C11orf65: variants seen among roughly 807,000 people sequenced by gnomAD.
C11orf65 encodes the protein protein MFI.
C11orf65 carries 38 observed loss-of-function variants against 35.3 expected under a neutral mutation model. That is an observed-to-expected ratio of 1.08 (90% CI 0.83 to 1.41). The LOEUF (loss-of-function observed/expected upper bound fraction) is 1.41, where lower values mean the gene tolerates loss of function less well. Among genes scored for constraint, C11orf65 ranks in the 40% most tolerant of loss-of-function variants. The pLI, the probability that C11orf65 is intolerant of heterozygous loss-of-function variation, is 0.00. For synonymous variants in C11orf65, 105 were observed against 114.4 expected, an observed-to-expected ratio of 0.92 and a Z score of 0.53; for missense variants, 370 against 367.1, an observed-to-expected ratio of 1.01 and a Z score of -0.06.
intron 1 of C11orf65, among the ~76,000 whole-genome samples, chr11:108,466,044 T>C (rs1007731286): frequency 2.7e-5 from 4 of 150,654 alleles, no homozygotes; most frequent in East Asian, 1.9e-4. Flanking sequence ...TGTTAAAATG[T>C]ACCATCCAGT....
intron 2 of C11orf65, among the ~76,000 whole-genome samples, chr11:108,448,734 T>A (rs2093303939): frequency 1.3e-5 from 2 of 152,192 alleles, no homozygotes; most frequent in African/African-American, 4.8e-5. Flanking sequence ...CAAGACAGGA[T>A]GCCCTCTCTC....
At position 108,405,424 on chromosome 11, in the gene C11orf65, C is replaced by A; in HGVS notation, c.560+5G>T. On this transcript the variant is annotated splice_donor_5th_base_variant and intron_variant, in intron 6 of 8. Coordinates refer to ENST00000393084, the MANE Select transcript of C11orf65 (RefSeq NM_152587.5). The stretch of plus-strand genomic sequence containing the variant: ...ATTTCCTTAGTAAGTGTTTCATCAA[C>A]TTACATTTGCCTCATCCACTCTATT... The A allele has an allele frequency of 1.2e-6, 2 of 1,608,154 alleles. No individual in the cohort carries two copies. Among genetic ancestry groups the A allele is most frequent in the Non-Finnish European group, 1.7e-6 (2 of 1,178,874 alleles).
At chr11:108,385,770 T>C (rs563388101) in intron 8 of C11orf65, 150 bp downstream of exon 8, 2 of 644,664 alleles carry the variant, frequency 3.1e-6, no homozygotes, top group African/African-American at 1.8e-5. Context: ...AATAACAATC[T>C]TACATACAAA....
upstream of C11orf65, among the ~76,000 whole-genome samples, chr11:108,468,040 C>G (rs1382569392): frequency 6.6e-6 from 1 of 152,050 alleles, no homozygotes; most frequent in African/African-American, 2.4e-5. Flanking sequence ...CCATGTTGTC[C>G]AGGCTGGTCT....
intron 2 of C11orf65, among the ~76,000 whole-genome samples, chr11:108,343,659 C>T (rs2087893647): frequency 6.6e-6 from 1 of 152,088 alleles, no homozygotes. Context: ...AAACAAAACA[C>T]TAAAATGCCA....
chr11:108,443,898 C>T (rs968388516), intron 2 of C11orf65, among the ~76,000 whole-genome samples: 1 of 151,986 alleles, frequency 6.6e-6, no homozygotes, highest in East Asian at 1.9e-4. Flanking sequence ...CCTAACATCA[C>T]AATTAAAAGA....
chr11:108,419,040 A>G (rs1000008047), intron 3 of C11orf65, among the ~76,000 whole-genome samples: 1 of 152,210 alleles, frequency 6.6e-6, no homozygotes, highest in African/African-American at 2.4e-5. Flanking sequence ...TCATTAGTAA[A>G]TCCTTACAAA....
intron 3 of C11orf65, among the ~76,000 whole-genome samples, chr11:108,430,479 T>C (rs866218781): frequency 3.3e-5 from 5 of 151,848 alleles, no homozygotes; most frequent in Non-Finnish European, 7.4e-5. Context: ...GTAAATTTTA[T>C]ATTATGCGTA....
chr11:108,338,104 T>A (rs1400986320), intron 2 of C11orf65, among the ~76,000 whole-genome samples: 1 of 152,258 alleles, frequency 6.6e-6, no homozygotes, highest in Non-Finnish European at 1.5e-5. Flanking sequence ...ATCCCAGTAC[T>A]TCAGGAGGCC....
chr11:108,332,067 G>A (rs763674160), intron 3 of C11orf65: 100 of 1,610,136 alleles, frequency 6.2e-5, no homozygotes, highest in Non-Finnish European at 8.4e-5. Context: ...GTACCTTTTA[G>A]AAGTGTGATA....
downstream of C11orf65, among the ~76,000 whole-genome samples, chr11:108,378,827 AG>A (rs1359797216): frequency 4.0e-5 from 6 of 149,118 alleles, no homozygotes; most frequent in African/African-American, 1.5e-4. Flanking sequence ...GGACATGAAC[AG>A]ACACTTCTCA....
chr11:108,410,696 A>G (rs1468636938), intron 3 of C11orf65, among the ~76,000 whole-genome samples: 2 of 133,630 alleles, frequency 1.5e-5, no homozygotes, highest in African/African-American at 5.7e-5. Context: ...TATCTTCACT[A>G]TTTCCTTCCT....
At chr11:108,385,565 C>T (rs1342513375) in intron 8 of C11orf65, among the ~76,000 whole-genome samples, 1 of 151,940 alleles carries the variant, frequency 6.6e-6, no homozygotes, top group Non-Finnish European at 1.5e-5. Flanking sequence ...GCCTGTAGTT[C>T]CAGCTACTTG....
intron 2 of C11orf65, among the ~76,000 whole-genome samples, chr11:108,361,602 A>C (rs1163673290): frequency 6.6e-6 from 1 of 151,888 alleles, no homozygotes; most frequent in African/African-American, 2.4e-5. Flanking sequence ...AAACAGAGAT[A>C]TAGATCAATG....
rs187302539 is a variant in C11orf65 at position 108,342,432 on chromosome 11, A to C, written c.227-7140T>G. On this transcript the variant is annotated intron_variant, in intron 2 of 3. Transcript: ENST00000524755. Reference sequence around the variant, plus strand: ...TACAGAAATATACATATAGTATCCTAATTTTTTTACTTAATACTTACAACT... The same window carrying C: ...TACAGAAATATACATATAGTATCCTCATTTTTTTACTTAATACTTACAACT... 9.8e-5 allele frequency among the ~76,000 whole-genome samples: 15 copies of C among 152,342 alleles called. No individual in the cohort carries two copies. The East Asian group carries it at 2.9e-3, about 29-fold the overall frequency.
chr11:108,447,189 C>T (rs1180240934), intron 2 of C11orf65, among the ~76,000 whole-genome samples: 3 of 152,086 alleles, frequency 2.0e-5, no homozygotes, highest in African/African-American at 4.8e-5. Flanking sequence ...TAATGGGAGA[C>T]TTTAACACCC....
chr11:108,464,625 G>A (rs940551846), intron 1 of C11orf65, among the ~76,000 whole-genome samples: 5 of 152,112 alleles, frequency 3.3e-5, no homozygotes, highest in Non-Finnish European at 5.9e-5. Flanking sequence ...CTCCCAAAGC[G>A]CTGGGATTAC....
intron 6 of C11orf65, among the ~76,000 whole-genome samples, chr11:108,315,179 C>T (rs2084511776): frequency 6.6e-6 from 1 of 152,180 alleles, no homozygotes; most frequent in African/African-American, 2.4e-5. Context: ...ATTAGTGTCA[C>T]ATGGCATTTT....
At chr11:108,460,234 T>C (rs1362496051) in intron 2 of C11orf65, among the ~76,000 whole-genome samples, 1 of 152,224 alleles carries the variant, frequency 6.6e-6, no homozygotes, top group Non-Finnish European at 1.5e-5. Context: ...AAAGGTGGTC[T>C]TGTAAGCCAT....
Sources: gnomAD v4.1 joint callset for allele counts (sites outside exome capture counted in the v4.1 genomes callset) on GRCh38, gnomAD v4.1.1 for gene constraint, MANE v1.5 for transcripts, NCBI Gene and HGNC (gene_info 2026-07-23, HGNC 2026-07-21) for gene names.